PTPN11: variants seen among roughly 807,000 people sequenced by gnomAD.
The protein encoded by PTPN11 is protein tyrosine phosphatase non-receptor type 11.
A neutral mutation model predicts 78.8 loss-of-function variants in PTPN11; 6 were observed. The ratio of observed to expected loss-of-function variants is 0.08; its 90% CI spans 0.04 to 0.15. The LOEUF (loss-of-function observed/expected upper bound fraction) is 0.15, where lower values mean the gene tolerates loss of function less well. Among genes scored for constraint, PTPN11 ranks in the 10% least tolerant of loss-of-function variants. PTPN11 has a pLI of 1.00. For missense variants in PTPN11, 386 were observed against 744.8 expected, an observed-to-expected ratio of 0.52 and a Z score of 5.61; for synonymous variants, 221 against 263.5, an observed-to-expected ratio of 0.84 and a Z score of 1.56.
intron 6 of PTPN11, among the ~76,000 whole-genome samples, chr12:112,468,821 T>G (rs1057105954): frequency 6.6e-6 from 1 of 152,152 alleles, no homozygotes; most frequent in African/African-American, 2.4e-5. Context: ...CTCAGTGCTT[T>G]GGGAGGCTGA....
intron 1 of PTPN11, among the ~76,000 whole-genome samples, chr12:112,434,316 A>G (rs1010859829): frequency 2.0e-5 from 3 of 151,550 alleles, no homozygotes; most frequent in African/African-American, 7.3e-5. Context: ...CAAAGTACTG[A>G]TAAAGATCTT....
At chr12:112,425,573 G>A (rs758685014) in intron 1 of PTPN11, among the ~76,000 whole-genome samples, 4 of 152,154 alleles carry the variant, frequency 2.6e-5, no homozygotes, top group Non-Finnish European at 4.4e-5. Context: ...AAGGTTACAA[G>A]TGCAGTTTTA....
At chr12:112,428,537 C>CT (rs773827775) in intron 1 of PTPN11, among the ~76,000 whole-genome samples, 1 of 150,782 alleles carries the variant, frequency 6.6e-6, no homozygotes, top group Admixed American at 6.7e-5. Flanking sequence ...CGAATGAACT[C>CT]TAACTGCTCC....
chr12:112,452,102 C>T (rs944485559), intron 3 of PTPN11, among the ~76,000 whole-genome samples: 1 of 151,920 alleles, frequency 6.6e-6, no homozygotes, highest in East Asian at 1.9e-4. Flanking sequence ...TCTCAAACTC[C>T]TGAACTCAGG....
At chr12:112,435,024 T>G (rs1284965049) in intron 1 of PTPN11, among the ~76,000 whole-genome samples, 2 of 151,210 alleles carry the variant, frequency 1.3e-5, no homozygotes, top group South Asian at 2.1e-4. Context: ...TGGCCTCAAG[T>G]GCTCTGCCCG....
chr12:112,482,139 G>A lies in PTPN11; in HGVS notation c.1158G>A (p.Arg386=). 2 of 1,609,722 alleles carry A rather than the reference G, an allele frequency of 1.2e-6. No individual in the cohort carries two copies. Among genetic ancestry groups the A allele is most frequent in the Non-Finnish European group, 1.7e-6 (2 of 1,175,986 alleles). ...AAGAATATGGCGTCATGCGTGTTAG[G>A]AACGTCAAAGAAAGCGCCGCTCATG... ...ALKEYGVMRV[R]NVKESAAHDY... is the part of the protein sequence containing the mutation. The change falls in exon 10 of 16, where the codon AGG becomes AGA. Residue 386 remains arginine, a synonymous_variant. Transcript: ENST00000351677. The surrounding 1 kb of genome is among the most constrained non-coding windows in gnomAD (Gnocchi z 4.4).
chr12:112,470,741 A>T (rs2038401837), intron 6 of PTPN11, among the ~76,000 whole-genome samples: 1 of 152,032 alleles, frequency 6.6e-6, no homozygotes, highest in Non-Finnish European at 1.5e-5. Context: ...TCAAGCTGCT[A>T]ATTAGTCCCA....
At chr12:112,453,901 A>T (rs942781145) in intron 4 of PTPN11, among the ~76,000 whole-genome samples, 2 of 151,624 alleles carry the variant, frequency 1.3e-5, no homozygotes, top group African/African-American at 4.8e-5. Flanking sequence ...GCCTCCTTCA[A>T]CCTCTCAAAG....
rs573979219 is a variant in PTPN11 at position 112,434,354 on chromosome 12, A to G, written c.15-11922A>G. 2.6e-5 allele frequency among the ~76,000 whole-genome samples: 4 copies of G among 152,268 alleles called. No homozygotes were observed. The South Asian group carries it at 8.3e-4, about 32-fold the overall frequency. On this transcript the variant is annotated intron_variant, in intron 1 of 15. Coordinates refer to ENST00000351677, the MANE Select transcript of PTPN11 (RefSeq NM_002834.5). ...GCTGGGCGCAGTGGCTCACACCTGTAATCCCAACACTTCAGGAGGCTGAGG... is the reference window on the plus strand; with the variant it reads ...GCTGGGCGCAGTGGCTCACACCTGTGATCCCAACACTTCAGGAGGCTGAGG...
chr12:112,504,898 T>C lies in PTPN11; in HGVS notation c.*32+102T>C, dbSNP rs2038915270. 1.3e-6 allele frequency: 1 copy of C among 757,918 alleles called. No homozygotes were observed. The highest frequency in any genetic ancestry group is 1.8e-5 in the African/African-American group (1 of 56,604). 46.9% of individuals were successfully genotyped at this position (757,918 alleles called of 1,614,324 possible). ...AATGTTTTAGCAAAGTGTACCATAA[T>C]TGAGTTTTACAAACCAGGCTCCTTT... is the stretch of plus-strand genomic sequence containing the variant. On this transcript the variant is annotated intron_variant, in intron 15 of 15. Coordinates refer to ENST00000351677, the MANE Select transcript of PTPN11 (RefSeq NM_002834.5). The surrounding 1 kb of genome is among the most constrained non-coding windows in gnomAD (Gnocchi z 4.7).
Position 112,418,956 on chromosome 12 carries a change from G to A in PTPN11, c.-156G>A, listed in dbSNP as rs1195968875. 21 of 873,786 alleles carry A rather than the reference G, an allele frequency of 2.4e-5. No homozygotes were observed. The highest frequency in any genetic ancestry group is 1.6e-5 in the Non-Finnish European group (9 of 561,116). 54.1% of individuals were successfully genotyped at this position (873,786 alleles called of 1,614,324 possible). A position where few individuals can be genotyped will look rare whatever the true frequency, so the allele number is the denominator to read the frequency against. ...CGGGGGGCAGCTGCACAGTCTCCGG[G>A]ATCCCCAGGCCTGGAGGGGGGTCTG... On this transcript the variant is annotated 5_prime_UTR_variant, in exon 1 of 16. Transcript: ENST00000351677.
chr12:112,506,532 C>T lies in PTPN11; in HGVS notation c.*740C>T, dbSNP rs886048969. The T allele has an allele frequency of 4.0e-5, 6 of 151,744 alleles. No individual in the cohort carries two copies. The highest frequency in any genetic ancestry group is 4.4e-5 in the Non-Finnish European group (3 of 68,008). 9.4% of individuals were successfully genotyped at this position (151,744 alleles called of 1,614,324 possible). On this transcript the variant is annotated 3_prime_UTR_variant, in exon 16 of 16. Coordinates refer to ENST00000351677, the MANE Select transcript of PTPN11 (RefSeq NM_002834.5). ...GAAAACGTTTGCCATATTTTCTTTG[C>T]ATTTGAATAATTGTCTTGTACTTAG... is the stretch of plus-strand genomic sequence containing the variant.
intron 6 of PTPN11, among the ~76,000 whole-genome samples, chr12:112,461,263 C>T (rs1398957364): frequency 6.6e-6 from 1 of 151,448 alleles, no homozygotes; most frequent in Non-Finnish European, 1.5e-5. Context: ...GTTAGGTTGG[C>T]ATATTTCTAT....
intron 2 of PTPN11, among the ~76,000 whole-genome samples, chr12:112,449,907 A>T (rs1380301098): frequency 6.6e-6 from 1 of 152,060 alleles, no homozygotes; most frequent in Non-Finnish European, 1.5e-5. Flanking sequence ...CTCTACTAAA[A>T]ATACAAAAGT....
rs2135915270 is a variant in PTPN11, at chr12:112,488,527, G to A, written c.1447+17G>A. On this transcript the variant is annotated intron_variant, in intron 12 of 15. Coordinates refer to ENST00000351677, the MANE Select transcript of PTPN11 (RefSeq NM_002834.5). Reference sequence around the variant, plus strand: ...GAGAGAAAGGTGGGTCATCTGGTGGGCAAGAAGCGACAGTTTCTGTTTTTA... The same window carrying A: ...GAGAGAAAGGTGGGTCATCTGGTGGACAAGAAGCGACAGTTTCTGTTTTTA... 6.3e-7 allele frequency: 1 copy of A among 1,584,778 alleles called. No homozygotes were observed. Among genetic ancestry groups the A allele is most frequent in the South Asian group, 1.1e-5 (1 of 90,488 alleles).
intron 1 of PTPN11, among the ~76,000 whole-genome samples, chr12:112,420,862 A>G (rs1216783961): frequency 6.6e-6 from 1 of 152,212 alleles, no homozygotes; most frequent in Non-Finnish European, 1.5e-5. Flanking sequence ...CTAATTCTTT[A>G]GGGAGCTTTT....
intron 1 of PTPN11, among the ~76,000 whole-genome samples, chr12:112,432,862 T>C (rs1470954599): frequency 6.6e-6 from 1 of 151,764 alleles, no homozygotes; most frequent in Non-Finnish European, 1.5e-5. Context: ...ATACCATTTT[T>C]AACTTTTTTT....
At chr12:112,441,835 G>T (rs2037894996) in intron 1 of PTPN11, among the ~76,000 whole-genome samples, 1 of 151,396 alleles carries the variant, frequency 6.6e-6, no homozygotes, top group Admixed American at 6.6e-5. Flanking sequence ...CTGGAGTGCA[G>T]TGGTGATCTG....
chr12:112,495,941 TC>T (rs2038808607), intron 13 of PTPN11, among the ~76,000 whole-genome samples: 1 of 152,128 alleles, frequency 6.6e-6, no homozygotes, highest in East Asian at 1.9e-4. Flanking sequence ...TGTACTTTTT[TC>T]CTCTTTCCCT....
Sources: allele counts gnomAD v4.1 joint callset (sites outside exome capture counted in the v4.1 genomes callset), GRCh38; gene constraint gnomAD v4.1.1; non-coding constraint Gnocchi (gnomAD v3.1); transcripts MANE v1.5; gene names NCBI Gene and HGNC (gene_info 2026-07-23, HGNC 2026-07-21).